The following GPATCH1 variants were observed in gnomAD, a reference collection of about 807,000 sequenced individuals.
The protein encoded by GPATCH1 is G-patch domain containing 1.
In GPATCH1, 73 loss-of-function variants were observed where a neutral mutation model predicts 114.9. The observed-to-expected ratio is 0.64, with a 90% CI of 0.53 to 0.77. The LOEUF (loss-of-function observed/expected upper bound fraction) is 0.77, where lower values mean the gene tolerates loss of function less well. Ranked by LOEUF, GPATCH1 falls within the 30% of genes least tolerant of loss-of-function variation. The pLI, the probability that GPATCH1 is intolerant of heterozygous loss-of-function variation, is 0.00. For synonymous variants in GPATCH1, 391 were observed against 428.4 expected (o/e 0.91, Z 1.08); for missense variants, 1,058 against 1,144.3 (o/e 0.92, Z 1.09).
intron 3 of GPATCH1, among the ~76,000 whole-genome samples, chr19:33,092,987 G>T (rs966278771): frequency 4.6e-5 from 7 of 151,638 alleles, no homozygotes; most frequent in African/African-American, 1.7e-4. Flanking sequence ...TCAGGAGTTC[G>T]AGACCAGCCT....
intron 11 of GPATCH1, among the ~76,000 whole-genome samples, chr19:33,110,947 C>T (rs1972844295): frequency 6.7e-6 from 1 of 149,578 alleles, no homozygotes; most frequent in Non-Finnish European, 1.5e-5. Context: ...TAGTGAGATC[C>T]TGCCTCTACC....
At chr19:33,117,584 A>G (rs1393323118) in intron 15 of GPATCH1, among the ~76,000 whole-genome samples, 2 of 152,088 alleles carry the variant, frequency 1.3e-5, no homozygotes, top group East Asian at 3.9e-4. Context: ...GTGAGCCACC[A>G]CGCCTGGCCC....
intron 1 of GPATCH1, 141 bp downstream of exon 1, chr19:33,081,407 C>G: frequency 1.3e-6 from 1 of 753,612 alleles, no homozygotes; most frequent in Non-Finnish European, 2.2e-6. Context: ...AGGCGTTAGC[C>G]GCGCTCTCGG....
intron 19 of GPATCH1, among the ~76,000 whole-genome samples, chr19:33,128,294 T>C (rs1335795914): frequency 1.3e-5 from 2 of 152,006 alleles, no homozygotes; most frequent in African/African-American, 4.8e-5. Context: ...AGAGTCTTGC[T>C]CTGTCACCCA....
chr19:33,095,786 G>A lies in GPATCH1; in HGVS notation c.578G>A (p.Cys193Tyr). Residue 193 changes from cysteine (C) to tyrosine (Y), a missense_variant, in exon 6 of 20, where the codon TGT becomes TAT. By Grantham distance (194) the Cys-to-Tyr change is radical. Around this residue, in one of 3 missense-constraint regions of GPATCH1, gnomAD observed 893 missense variants for 977.4 expected, o/e 0.91. Transcript: ENST00000170564. ...GATCCTGGAGTCAAAATCTATGGCT[G>A]TGCATTACCCCCTGGAAGCTCGGAA... ...KPDPGVKIYGCALPPGSSEGS... is the reference protein window; with the variant it reads ...KPDPGVKIYGYALPPGSSEGS... The A allele has an allele frequency of 6.2e-7, 1 of 1,611,518 alleles. No homozygotes were observed.
At chr19:33,112,007 C>A in intron 12 of GPATCH1, 105 bp downstream of exon 12, 4 of 859,746 alleles carry the variant, frequency 4.7e-6, no homozygotes, top group South Asian at 3.4e-5. Flanking sequence ...TCTCTGTCGC[C>A]CAGGCTAGAG....
rs113987642 is a variant in GPATCH1 at position 33,092,852 on chromosome 19, G to A, written c.295-507G>A. The stretch of plus-strand genomic sequence containing the variant: ...TAATGAGCAGCGACTATCATGCCCT[G>A]CCCTTGGCCACTGGCTTTACCTTGT... On this transcript the variant is annotated intron_variant, in intron 3 of 19. Coordinates refer to ENST00000170564, the MANE Select transcript of GPATCH1 (RefSeq NM_018025.3). Among the ~76,000 whole-genome samples the A allele has an allele frequency of 9.3e-3, 1,418 of 152,094 alleles. 16 individuals are homozygous for A. Among genetic ancestry groups the A allele is most frequent in the Non-Finnish European group, 0.014 (981 of 67,982 alleles).
At chr19:33,107,846 T>C (rs1972803003) in intron 10 of GPATCH1, among the ~76,000 whole-genome samples, 2 of 152,008 alleles carry the variant, frequency 1.3e-5, no homozygotes, top group Admixed American at 6.6e-5. Context: ...TCTTAATTTT[T>C]AATTTTTATT....
Position 33,090,882 on chromosome 19 carries a change from T to G in GPATCH1, c.294+17T>G. On this transcript the variant is annotated intron_variant, in intron 3 of 19. Coordinates refer to ENST00000170564, the MANE Select transcript of GPATCH1 (RefSeq NM_018025.3). ...GATGAAGAGGTGCGTGTGCAAAACT[T>G]TAATTGCCAATTAGCTGGTGGGACA... 6.5e-7 allele frequency: 1 copy of G among 1,540,320 alleles called. No individual in the cohort carries two copies. Among genetic ancestry groups the G allele is most frequent in the African/African-American group, 1.4e-5 (1 of 73,640 alleles).
At chr19:33,092,831 G>A (rs1972611464) in intron 3 of GPATCH1, among the ~76,000 whole-genome samples, 1 of 152,014 alleles carries the variant, frequency 6.6e-6, no homozygotes, top group Non-Finnish European at 1.5e-5. Flanking sequence ...TGGCCCTAAT[G>A]AGCAGCGACT....
intron 18 of GPATCH1, among the ~76,000 whole-genome samples, chr19:33,126,324 G>C (rs1239029748): frequency 6.6e-6 from 1 of 152,186 alleles, no homozygotes; most frequent in Admixed American, 6.6e-5. Flanking sequence ...ATGACACCAA[G>C]TGTTACGATA....
At chr19:33,105,301 G>A (rs1972770967) in intron 9 of GPATCH1, among the ~76,000 whole-genome samples, 1 of 150,580 alleles carries the variant, frequency 6.6e-6, no homozygotes, top group Non-Finnish European at 1.5e-5. Flanking sequence ...GCATGGTGAT[G>A]CGTGCCTGTA....
In GPATCH1 at chr19:33,114,391, A is replaced by G. The variant is rs750847941; in HGVS notation, c.2168A>G (p.Glu723Gly). 1.2e-6 allele frequency: 2 copies of G among 1,605,482 alleles called. No homozygotes were observed. The highest frequency in any genetic ancestry group is 1.4e-5 in the African/African-American group (1 of 74,034). Reference protein sequence around the residue: ...QSSPLVNKEEEHAPELSANQT... With the variant: ...QSSPLVNKEEGHAPELSANQT... Reference sequence around the variant, plus strand: ...AGCCCCTTAGTAAACAAAGAGGAAGAGCATGCACCAGAATTATCCGCAAAT... The same window carrying G: ...AGCCCCTTAGTAAACAAAGAGGAAGGGCATGCACCAGAATTATCCGCAAAT... The change falls in exon 15 of 20, where the codon GAG becomes GGG. Residue 723 changes from glutamate to glycine, a missense_variant. Physicochemically the swap from Glu to Gly is moderately conservative, Grantham distance 98 (BLOSUM62 -2). This residue lies in a region of GPATCH1 where 893 missense variants were observed against 977.4 expected (regional missense o/e 0.91). Coordinates refer to ENST00000170564, the MANE Select transcript of GPATCH1 (RefSeq NM_018025.3).
At chr19:33,113,572 C>A (rs1286499744) in intron 13 of GPATCH1, 195 bp from the exon 14 acceptor site, 4 of 528,118 alleles carry the variant, frequency 7.6e-6, no homozygotes, top group Non-Finnish European at 1.0e-5. Context: ...AATTCTTGTC[C>A]TTATCATAAT....
chr19:33,095,896 G>A (rs1972652619), intron 6 of GPATCH1, 76 bp downstream of exon 6: 1 of 1,042,586 alleles, frequency 9.6e-7, no homozygotes, highest in Admixed American at 1.7e-5. Context: ...TTTGGTTGGA[G>A]ACAATTTTAG....
At chr19:33,119,697 CAAA>C (rs34270215) in intron 17 of GPATCH1, among the ~76,000 whole-genome samples, 3 of 128,580 alleles carry the variant, frequency 2.3e-5, no homozygotes, top group Admixed American at 8.5e-5. Context: ...GACTCTGCCT[CAAA>C]AAAAAAAAAA....
At position 33,081,260 on chromosome 19, in the gene GPATCH1, G is replaced by C. The variant is rs1472620385; in HGVS notation, c.67G>C (p.Glu23Gln). ...VSYGTGLEPL[E>Q]EGERPKKPIP... ...CTATGGGACCGGGCTGGAGCCTCTG[G>C]AAGAAGGTGCGGGCCGCGTGGGCCG... The change falls in exon 1 of 20, where the codon GAA becomes CAA. Residue 23 changes from glutamate (E) to glutamine (Q), a missense_variant. This residue lies in a region of GPATCH1 where 131 missense variants were observed against 107.2 expected (regional missense o/e 1.22). Coordinates refer to ENST00000170564, the MANE Select transcript of GPATCH1 (RefSeq NM_018025.3). 6.4e-7 allele frequency: 1 copy of C among 1,551,556 alleles called. No individual in the cohort carries two copies. Among genetic ancestry groups the C allele is most frequent in the Non-Finnish European group, 8.7e-7 (1 of 1,146,912 alleles).
At chr19:33,104,337 T>TAAAAAA (rs1371589543) in intron 9 of GPATCH1, among the ~76,000 whole-genome samples, 1 of 65,084 alleles carries the variant, frequency 1.5e-5, no homozygotes. Context: ...AGACCCTGTC[T>TAAAAAA]CAAAAAAAAG....
chr19:33,086,194 C>A, intron 1 of GPATCH1, among the ~76,000 whole-genome samples: 1 of 178 alleles, frequency 5.6e-3, no homozygotes, highest in East Asian at 0.12. Flanking sequence ...ATGCCAAGTG[C>A]ATATATGTAA....
Sources: gnomAD v4.1 joint callset for allele counts (sites outside exome capture counted in the v4.1 genomes callset) on GRCh38, gnomAD v4.1.1 for gene constraint, gnomAD v4.1.1 regional missense constraint, MANE v1.5 for transcripts, NCBI Gene and HGNC (gene_info 2026-07-23, HGNC 2026-07-21) for gene names.